Variants in RILPL1 observed in about 807,000 individuals in gnomAD.
RILPL1 encodes the protein RILP-like protein 1.
RILPL1 carries 33 observed loss-of-function variants against 50.3 expected under a neutral mutation model. The ratio of observed to expected loss-of-function variants is 0.66; its 90% CI spans 0.50 to 0.88. The LOEUF (loss-of-function observed/expected upper bound fraction) is 0.88. Among genes scored for constraint, RILPL1 ranks in the 40% least tolerant of loss-of-function variants. RILPL1 has a pLI of 0.00. For synonymous variants in RILPL1, 205 were observed against 228.6 expected (o/e 0.90, Z 0.93); for missense variants, 418 against 542.5 (o/e 0.77, Z 2.28).
chr12:123,484,304 A>G lies in RILPL1; in HGVS notation c.975-32T>C, dbSNP rs750674507. The G allele has an allele frequency of 3.6e-6, 5 of 1,401,262 alleles. No homozygotes were observed. In the African/African-American group the frequency reaches 7.0e-5, roughly 20 times the overall value. 86.8% of individuals were successfully genotyped at this position (1,401,262 alleles called of 1,614,324 possible). A position where few individuals can be genotyped will look rare whatever the true frequency, so the allele number is the denominator to read the frequency against. ...GGAGATGAGAGGCGTGAGATAAAAG[A>G]GTCAAAAGTTCCTTGAGAACTGGAA... On this transcript the variant is annotated intron_variant, in intron 5 of 6. Coordinates refer to ENST00000376874, the MANE Select transcript of RILPL1 (RefSeq NM_178314.5).
intron 6 of RILPL1, chr12:123,475,763 G>A (rs1421734296): frequency 1.3e-6 from 2 of 1,529,764 alleles, no homozygotes; most frequent in African/African-American, 1.4e-5. Context: ...GGTTAGAGAA[G>A]TACAGATAGA....
chr12:123,493,323 T>C (rs1329856883), intron 4 of RILPL1, among the ~76,000 whole-genome samples: 1 of 152,222 alleles, frequency 6.6e-6, no homozygotes, highest in African/African-American at 2.4e-5. Flanking sequence ...CACGTGTTTG[T>C]CTGCTGACCC....
chr12:123,511,095 GTGTGTT>G (rs2139361067), intron 2 of RILPL1, among the ~76,000 whole-genome samples: 1 of 142,298 alleles, frequency 7.0e-6, no homozygotes, highest in Non-Finnish European at 1.5e-5. Context: ...TGTGTGGTGT[GTGTGTT>G]AGGTCTGTGT....
intron 4 of RILPL1, among the ~76,000 whole-genome samples, chr12:123,494,667 A>AC (rs1306400243): frequency 6.6e-6 from 1 of 151,796 alleles, no homozygotes; most frequent in Non-Finnish European, 1.5e-5. Flanking sequence ...CGACCGCACC[A>AC]CCCTCAGCCT....
intron 1 of RILPL1, among the ~76,000 whole-genome samples, chr12:123,525,886 T>C (rs1885234797): frequency 6.6e-6 from 1 of 151,152 alleles, no homozygotes; most frequent in Non-Finnish European, 1.5e-5. Flanking sequence ...ATCTGAATTA[T>C]ATTGATAAAG....
chr12:123,507,880 G>T (rs1420380027), intron 2 of RILPL1, among the ~76,000 whole-genome samples: 1 of 148,232 alleles, frequency 6.7e-6, no homozygotes, highest in African/African-American at 2.5e-5. Flanking sequence ...GGTGGAAGTT[G>T]CAGTGAGCTG....
intron 1 of RILPL1, among the ~76,000 whole-genome samples, chr12:123,523,849 G>A (rs1031503191): frequency 2.6e-5 from 4 of 152,252 alleles, no homozygotes; most frequent in East Asian, 3.8e-4. Context: ...AGATGCCTGC[G>A]TTTATGCTGT....
chr12:123,527,079 C>T (rs1207478924), intron 1 of RILPL1, among the ~76,000 whole-genome samples: 1 of 152,154 alleles, frequency 6.6e-6, no homozygotes, highest in Non-Finnish European at 1.5e-5. Flanking sequence ...ACCTATAATC[C>T]TTGTAATTTA....
intron 6 of RILPL1, among the ~76,000 whole-genome samples, chr12:123,477,077 C>A (rs925123697): frequency 6.6e-6 from 1 of 152,182 alleles, no homozygotes; most frequent in African/African-American, 2.4e-5. Context: ...GCTGCAGAAT[C>A]ATCAGATATT....
At chr12:123,484,726 A>C in intron 5 of RILPL1, 1 of 216,380 alleles carries the variant, frequency 4.6e-6, no homozygotes, top group Non-Finnish European at 9.1e-6. Context: ...ACAAACATAC[A>C]TAGCTCACTG....
intron 1 of RILPL1, among the ~76,000 whole-genome samples, chr12:123,527,327 A>AT (rs1885296194): frequency 1.1e-5 from 1 of 94,366 alleles, no homozygotes; most frequent in East Asian, 1.1e-3. Context: ...CAAGACCCCA[A>AT]CTTTTTTTTT....
chr12:123,495,991 G>A (rs564220544), intron 4 of RILPL1, among the ~76,000 whole-genome samples: 2 of 151,076 alleles, frequency 1.3e-5, no homozygotes, highest in East Asian at 2.0e-4. Flanking sequence ...GCCAAAAGCA[G>A]CCCTTAACCA....
At chr12:123,505,150 C>T (rs1205061047) in intron 2 of RILPL1, among the ~76,000 whole-genome samples, 2 of 152,190 alleles carry the variant, frequency 1.3e-5, no homozygotes, top group African/African-American at 4.8e-5. Context: ...AAGGACTTCT[C>T]CTGCCTCAGC....
chr12:123,531,991 C>A (rs1391596350), intron 1 of RILPL1, among the ~76,000 whole-genome samples: 2 of 152,220 alleles, frequency 1.3e-5, no homozygotes, highest in African/African-American at 4.8e-5. Context: ...TGAGGACGAG[C>A]ACAGTCAAAC....
chr12:123,501,865 C>T (rs911446589), intron 2 of RILPL1, among the ~76,000 whole-genome samples: 2 of 151,634 alleles, frequency 1.3e-5, no homozygotes, highest in African/African-American at 4.8e-5. Flanking sequence ...TCACCTAGGT[C>T]GGGAGCTCGA....
At chr12:123,502,469 T>C (rs958762690) in intron 2 of RILPL1, among the ~76,000 whole-genome samples, 15 of 151,806 alleles carry the variant, frequency 9.9e-5, no homozygotes, top group South Asian at 2.1e-4. Flanking sequence ...TTGGGTAACA[T>C]TGGTGACCCC....
chr12:123,498,789 T>C lies in RILPL1; in HGVS notation c.580-24A>G, dbSNP rs1352868733. On this transcript the variant is annotated intron_variant, in intron 3 of 6. Transcript: ENST00000376874. The surrounding 1 kb of genome is among the most constrained non-coding windows in gnomAD (Gnocchi z 4.3). The stretch of plus-strand genomic sequence containing the variant: ...AACTGTAGAAAAAGGGAGACCATTG[T>C]GCGGGGCTGCCACCTGCGGTAGCTC... The C allele has an allele frequency of 6.2e-7, 1 of 1,606,914 alleles. No individual in the cohort carries two copies. Among genetic ancestry groups the C allele is most frequent in the East Asian group, 2.2e-5 (1 of 44,858 alleles).
intron 4 of RILPL1, among the ~76,000 whole-genome samples, chr12:123,492,975 T>C (rs984473347): frequency 6.6e-6 from 1 of 152,176 alleles, no homozygotes; most frequent in Admixed American, 6.5e-5. Context: ...GTCTGAAATA[T>C]GGCCTCATGG....
At chr12:123,497,840 GACCAC>G (rs1566124603) in intron 4 of RILPL1, among the ~76,000 whole-genome samples, 1 of 152,168 alleles carries the variant, frequency 6.6e-6, no homozygotes, top group Non-Finnish European at 1.5e-5. Flanking sequence ...AAGTGCAGGT[GACCAC>G]ACCTGGCCTT....
Sources: gnomAD v4.1 joint callset for allele counts (sites outside exome capture counted in the v4.1 genomes callset) on GRCh38, gnomAD v4.1.1 for gene constraint, Gnocchi (gnomAD v3.1) non-coding constraint, MANE v1.5 for transcripts, NCBI Gene and HGNC (gene_info 2026-07-23, HGNC 2026-07-21) for gene names.